The following SOCS1 variants were observed in gnomAD, a reference collection of about 807,000 sequenced individuals.
SOCS1 encodes the protein suppressor of cytokine signaling 1.
SOCS1 carries 3 observed loss-of-function variants against 9.7 expected under a neutral mutation model. That is an observed-to-expected ratio of 0.31 (90% CI 0.14 to 0.80). SOCS1 has a LOEUF of 0.80. Ranked by LOEUF, SOCS1 falls within the 30% of genes least tolerant of loss-of-function variation. The pLI, the probability that SOCS1 is intolerant of heterozygous loss-of-function variation, is 0.61. For synonymous variants in SOCS1, 194 were observed against 150.2 expected, an observed-to-expected ratio of 1.29 and a Z score of -2.13; for missense variants, 368 against 324.7, an observed-to-expected ratio of 1.13 and a Z score of -1.02.
At position 11,254,874 on chromosome 16, in the gene SOCS1, T is replaced by C; in HGVS notation, c.605A>G (p.Asp202Gly). The C allele has an allele frequency of 1.3e-6, 2 of 1,491,860 alleles. No individual in the cohort carries two copies. Among genetic ancestry groups the C allele is most frequent in the Non-Finnish European group, 1.8e-6 (2 of 1,130,426 alleles). 92.4% of individuals were successfully genotyped at this position (1,491,860 alleles called of 1,614,324 possible). Reference protein sequence around the residue: ...ARIPLNPVLRDYLSSFPFQI With the variant: ...ARIPLNPVLRGYLSSFPFQI ...CTGGAAGGGGAAGGAGCTCAGGTAGTCGCGGAGGACGGGGTTGAGGGGGAT... is the reference window on the plus strand; with the variant it reads ...CTGGAAGGGGAAGGAGCTCAGGTAGCCGCGGAGGACGGGGTTGAGGGGGAT... The change falls in exon 2 of 2, where the codon GAC becomes GGC. Residue 202 changes from aspartate to glycine, a missense_variant. By Grantham distance (94) the Asp-to-Gly change is moderately conservative. Transcript: ENST00000332029.
chr16:11,254,667 G>A lies in SOCS1; in HGVS notation c.*176C>T, dbSNP rs2069571523. Reference sequence around the variant, plus strand: ...ACCAGGAGGGGGAGGACCCCCTCAAGAGGTGAGAAGGGGTCTGCGGCCTCG... The same window carrying A: ...ACCAGGAGGGGGAGGACCCCCTCAAAAGGTGAGAAGGGGTCTGCGGCCTCG... On this transcript the variant is annotated 3_prime_UTR_variant, in exon 2 of 2. Transcript: ENST00000332029. 8.2e-6 allele frequency: 7 copies of A among 853,192 alleles called. No individual in the cohort carries two copies. The highest frequency in any genetic ancestry group is 4.2e-5 in the Admixed American group (1 of 23,540). The allele number at this position is 853,192 out of a possible 1,614,324, so 52.9% of individuals were successfully genotyped here.
intron 1 of SOCS1, chr16:11,255,805 G>C: frequency 4.3e-6 from 1 of 231,546 alleles, no homozygotes; most frequent in South Asian, 1.8e-4. Flanking sequence ...GCCGGTTCTG[G>C]CTCCAGCCGT....
At position 11,255,453 on chromosome 16, in the gene SOCS1, G is replaced by C; in HGVS notation, c.26C>G (p.Ala9Gly). 14 of 1,296,814 alleles carry C rather than the reference G, an allele frequency of 1.1e-5. No individual in the cohort carries two copies. Among genetic ancestry groups the C allele is most frequent in the Admixed American group, 4.1e-5 (1 of 24,134 alleles). The allele number at this position is 1,296,814 out of a possible 1,614,324, so 80.3% of individuals were successfully genotyped here. A position where few individuals can be genotyped will look rare whatever the true frequency, so the allele number is the denominator to read the frequency against. Residue 9 changes from alanine (A) to glycine (G), a missense_variant, in exon 2 of 2, where the codon GCC becomes GGC. Ala to Gly is a moderately conservative substitution (Grantham distance 60, BLOSUM62 0). Coordinates refer to ENST00000332029, the MANE Select transcript of SOCS1 (RefSeq NM_003745.2). The stretch of plus-strand genomic sequence containing the variant: ...TGCTGCTGTGGAGACTGCATTGTCG[G>C]CTGCCACCTGGTTGTGTGCTACCAT... MVAHNQVA[A>G]DNAVSTAAEP... is the part of the protein sequence containing the mutation.
At position 11,254,649 on chromosome 16, in the gene SOCS1, G is replaced by T. The variant is rs187731105; in HGVS notation, c.*194C>A. 9 of 689,980 alleles carry T rather than the reference G, an allele frequency of 1.3e-5. No individual in the cohort carries two copies. Among genetic ancestry groups the T allele is most frequent in the East Asian group, 6.9e-5 (2 of 28,830 alleles). The allele number at this position is 689,980 out of a possible 1,614,324, so 42.7% of individuals were successfully genotyped here. ...GGGGGACCCAGAGGGAGCACCAGGA[G>T]GGGGAGGACCCCCTCAAGAGGTGAG... On this transcript the variant is annotated 3_prime_UTR_variant, in exon 2 of 2. Transcript: ENST00000332029.
chr16:11,256,184 C>G lies in SOCS1; in HGVS notation c.-156G>C, dbSNP rs1055534319. On this transcript the variant is annotated 5_prime_UTR_variant, in exon 1 of 2. Transcript: ENST00000332029. ...GGGGCCAGGAGCCGTGCAGCTGCCACGGCCGCAGCTCGCTCTGTTCGGCGC... is the reference window on the plus strand; with the variant it reads ...GGGGCCAGGAGCCGTGCAGCTGCCAGGGCCGCAGCTCGCTCTGTTCGGCGC... 6.6e-6 allele frequency: 1 copy of G among 151,756 alleles called. No individual in the cohort carries two copies. Among genetic ancestry groups the G allele is most frequent in the African/African-American group, 2.4e-5 (1 of 41,360 alleles). The allele number at this position is 151,756 out of a possible 1,614,324, so 9.4% of individuals were successfully genotyped here.
chr16:11,255,108 G>T lies in SOCS1; in HGVS notation c.371C>A (p.Thr124Lys), dbSNP rs369740529. ...GGCCTGAAAGTGCACGCGGATGCTC[G>T]TGGGTCCCGAGGCCATCTTCACGCT... ...ALSVKMASGP[T>K]SIRVHFQAGR... Residue 124 changes from threonine (T) to lysine (K), a missense_variant, in exon 2 of 2, where the codon ACG becomes AAG. Physicochemically the swap from Thr to Lys is moderately conservative, Grantham distance 78. Coordinates refer to ENST00000332029, the MANE Select transcript of SOCS1 (RefSeq NM_003745.2). 34 of 1,609,794 alleles carry T rather than the reference G, an allele frequency of 2.1e-5. No individual in the cohort carries two copies. Among genetic ancestry groups the T allele is most frequent in the Non-Finnish European group, 2.8e-5 (33 of 1,179,012 alleles).
chr16:11,255,440 G>T lies in SOCS1; in HGVS notation c.39C>A (p.Val13=). The T allele has an allele frequency of 7.6e-7, 1 of 1,314,022 alleles. No homozygotes were observed. The allele number at this position is 1,314,022 out of a possible 1,614,324, so 81.4% of individuals were successfully genotyped here. ...AHNQVAADNA[V]STAAEPRRRP... is the part of the protein sequence containing the mutation. ...GCCGTCGGGGCTCTGCTGCTGTGGA[G>T]ACTGCATTGTCGGCTGCCACCTGGT... Residue 13 remains valine (V), a synonymous_variant, in exon 2 of 2, where the codon GTC becomes GTA. Transcript: ENST00000332029.
chr16:11,254,892 A>AT lies in SOCS1; in HGVS notation c.586_587insA (p.Leu196HisfsTer57). 1 of 1,501,778 alleles carries AT rather than the reference A, an allele frequency of 6.7e-7. No individual in the cohort carries two copies. Among genetic ancestry groups the AT allele is most frequent in the Non-Finnish European group, 8.8e-7 (1 of 1,135,016 alleles). The allele number at this position is 1,501,778 out of a possible 1,614,324, so 93.0% of individuals were successfully genotyped here. On this transcript the variant is annotated frameshift_variant, in exon 2 of 2. Transcript: ENST00000332029. LOFTEE classifies it high-confidence loss of function. ...CAGGTAGTCGCGGAGGACGGGGTTG[A>AT]GGGGGATGCGAGCCAGGTTCTCGCG...
rs1341187688 is a variant in SOCS1, at chr16:11,254,657, A to AC, written c.*185dup. ...CAGAGGGAGCACCAGGAGGGGGAGG[A>AC]CCCCCTCAAGAGGTGAGAAGGGGTC... On this transcript the variant is annotated 3_prime_UTR_variant, in exon 2 of 2. Transcript: ENST00000332029. 45 of 727,676 alleles carry AC rather than the reference A, an allele frequency of 6.2e-5. No individual in the cohort carries two copies. Among genetic ancestry groups the AC allele is most frequent in the Non-Finnish European group, 8.6e-5 (44 of 513,640 alleles). 45.1% of individuals were successfully genotyped at this position (727,676 alleles called of 1,614,324 possible).
chr16:11,254,699 G>A lies in SOCS1; in HGVS notation c.*144C>T. 8.3e-7 allele frequency: 1 copy of A among 1,210,582 alleles called. No individual in the cohort carries two copies. The highest frequency in any genetic ancestry group is 2.9e-5 in the South Asian group (1 of 34,982). 75.0% of individuals were successfully genotyped at this position (1,210,582 alleles called of 1,614,324 possible). A position where few individuals can be genotyped will look rare whatever the true frequency, so the allele number is the denominator to read the frequency against. On this transcript the variant is annotated 3_prime_UTR_variant, in exon 2 of 2. Coordinates refer to ENST00000332029, the MANE Select transcript of SOCS1 (RefSeq NM_003745.2). ...GAAGGGGTCTGCGGCCTCGTCTCCA[G>A]CCGAGGGCGGGAGGCGCCTCGCCCC...
At position 11,254,573 on chromosome 16, in the gene SOCS1, G is replaced by A. The variant is rs182354564; in HGVS notation, c.*270C>T. 2 of 374,556 alleles carry A rather than the reference G, an allele frequency of 5.3e-6. No individual in the cohort carries two copies. The highest frequency in any genetic ancestry group is 9.4e-6 in the Non-Finnish European group (2 of 212,626). The allele number at this position is 374,556 out of a possible 1,614,324, so 23.2% of individuals were successfully genotyped here. A position where few individuals can be genotyped will look rare whatever the true frequency, so the allele number is the denominator to read the frequency against. ...ATATGTAAACATGAAGAGGTAGGAGGTGCGAGTTCAGGTCCTGGCTCCAGA... is the reference window on the plus strand; with the variant it reads ...ATATGTAAACATGAAGAGGTAGGAGATGCGAGTTCAGGTCCTGGCTCCAGA... On this transcript the variant is annotated 3_prime_UTR_variant, in exon 2 of 2. Coordinates refer to ENST00000332029, the MANE Select transcript of SOCS1 (RefSeq NM_003745.2).
intron 1 of SOCS1, 191 bp from the exon 2 acceptor site, chr16:11,255,719 T>G: frequency 3.1e-6 from 1 of 319,198 alleles, no homozygotes; most frequent in Non-Finnish European, 5.7e-6. Context: ...TCCGCGGAGC[T>G]CTTCCCGGCG....
rs897446321 is a variant in SOCS1 at position 11,256,195 on chromosome 16, C to T, written c.-167G>A. On this transcript the variant is annotated 5_prime_UTR_variant, in exon 1 of 2. Transcript: ENST00000332029. Reference sequence around the variant, plus strand: ...CCGTGCAGCTGCCACGGCCGCAGCTCGCTCTGTTCGGCGCCCGCCCCTGCG... The same window carrying T: ...CCGTGCAGCTGCCACGGCCGCAGCTTGCTCTGTTCGGCGCCCGCCCCTGCG... 2.0e-5 allele frequency: 3 copies of T among 151,790 alleles called. No individual in the cohort carries two copies. The highest frequency in any genetic ancestry group is 1.9e-4 in the East Asian group (1 of 5,130). The allele number at this position is 151,790 out of a possible 1,614,324, so 9.4% of individuals were successfully genotyped here.
chr16:11,255,465 T>C lies in SOCS1; in HGVS notation c.14A>G (p.Asn5Ser). Residue 5 changes from asparagine (N) to serine (S), a missense_variant, in exon 2 of 2, where the codon AAC (asparagine) becomes AGC (serine). Transcript: ENST00000332029. MVAH[N>S]QVAADNAVST... ...GACTGCATTGTCGGCTGCCACCTGG[T>C]TGTGTGCTACCATCCTACAGAAGGG... 7 of 1,291,002 alleles carry C rather than the reference T, an allele frequency of 5.4e-6. No individual in the cohort carries two copies. The highest frequency in any genetic ancestry group is 6.8e-6 in the Non-Finnish European group (7 of 1,022,490). 80.0% of individuals were successfully genotyped at this position (1,291,002 alleles called of 1,614,324 possible).
chr16:11,256,090 G>C lies in SOCS1; in HGVS notation c.-62C>G, dbSNP rs1434100017. Reference sequence around the variant, plus strand: ...AGGGCCCGGCTCACCTGGCGGCGGGGCGCGGGACGCCGCGGGCGGGACGGC... The same window carrying C: ...AGGGCCCGGCTCACCTGGCGGCGGGCCGCGGGACGCCGCGGGCGGGACGGC... On this transcript the variant is annotated 5_prime_UTR_variant, in exon 1 of 2. Transcript: ENST00000332029. The C allele has an allele frequency of 6.6e-6, 1 of 151,448 alleles. No homozygotes were observed. The highest frequency in any genetic ancestry group is 1.9e-4 in the East Asian group (1 of 5,134). 9.4% of individuals were successfully genotyped at this position (151,448 alleles called of 1,614,324 possible).
Position 11,254,830 on chromosome 16 carries a change from C to T in SOCS1, c.*13G>A, listed in dbSNP as rs2069574578. The T allele has an allele frequency of 4.1e-6, 6 of 1,467,678 alleles. No homozygotes were observed. Among genetic ancestry groups the T allele is most frequent in the Non-Finnish European group, 5.4e-6 (6 of 1,117,024 alleles). The allele number at this position is 1,467,678 out of a possible 1,614,324, so 90.9% of individuals were successfully genotyped here. On this transcript the variant is annotated 3_prime_UTR_variant, in exon 2 of 2. Coordinates refer to ENST00000332029, the MANE Select transcript of SOCS1 (RefSeq NM_003745.2). ...ATCCCAGTTAATGCTGCGTGCACGG[C>T]GGGCGCTGCCGGTCAAATCTGGAAG...
chr16:11,254,671 T>A lies in SOCS1; in HGVS notation c.*172A>T, dbSNP rs1449753612. 2 of 895,490 alleles carry A rather than the reference T, an allele frequency of 2.2e-6. No individual in the cohort carries two copies. The highest frequency in any genetic ancestry group is 3.0e-6 in the Non-Finnish European group (2 of 661,432). The allele number at this position is 895,490 out of a possible 1,614,324, so 55.5% of individuals were successfully genotyped here. A position where few individuals can be genotyped will look rare whatever the true frequency, so the allele number is the denominator to read the frequency against. On this transcript the variant is annotated 3_prime_UTR_variant, in exon 2 of 2. Transcript: ENST00000332029. Reference sequence around the variant, plus strand: ...GGAGGGGGAGGACCCCCTCAAGAGGTGAGAAGGGGTCTGCGGCCTCGTCTC... The same window carrying A: ...GGAGGGGGAGGACCCCCTCAAGAGGAGAGAAGGGGTCTGCGGCCTCGTCTC...
In SOCS1 at chr16:11,254,801, C is replaced by A. The variant is rs754605093; in HGVS notation, c.*42G>T. The A allele has an allele frequency of 1.0e-5, 15 of 1,441,920 alleles. No homozygotes were observed. Among genetic ancestry groups the A allele is most frequent in the African/African-American group, 3.0e-5 (2 of 66,968 alleles). The allele number at this position is 1,441,920 out of a possible 1,614,324, so 89.3% of individuals were successfully genotyped here. A position where few individuals can be genotyped will look rare whatever the true frequency, so the allele number is the denominator to read the frequency against. On this transcript the variant is annotated 3_prime_UTR_variant, in exon 2 of 2. Transcript: ENST00000332029. ...CCAGGCAAGTAATAACAAAATAACACGGCATCCCAGTTAATGCTGCGTGCA... is the reference window on the plus strand; with the variant it reads ...CCAGGCAAGTAATAACAAAATAACAAGGCATCCCAGTTAATGCTGCGTGCA...
In SOCS1 at chr16:11,254,872, A is replaced by G. The variant is rs1424444234; in HGVS notation, c.607T>C (p.Tyr203His). 2 of 1,491,742 alleles carry G rather than the reference A, an allele frequency of 1.3e-6. No homozygotes were observed. The highest frequency in any genetic ancestry group is 1.4e-5 in the South Asian group (1 of 72,004). The allele number at this position is 1,491,742 out of a possible 1,614,324, so 92.4% of individuals were successfully genotyped here. ...RIPLNPVLRDYLSSFPFQI is the reference protein window; with the variant it reads ...RIPLNPVLRDHLSSFPFQI ...ATCTGGAAGGGGAAGGAGCTCAGGT[A>G]GTCGCGGAGGACGGGGTTGAGGGGG... Residue 203 changes from tyrosine (Y) to histidine (H), a missense_variant, in exon 2 of 2, where the codon TAC (tyrosine) becomes CAC (histidine). Transcript: ENST00000332029.
Sources: allele counts gnomAD v4.1 joint callset, GRCh38; gene constraint gnomAD v4.1.1; transcripts MANE v1.5; gene names NCBI Gene and HGNC (gene_info 2026-07-23, HGNC 2026-07-21).